RASGRF2: variants seen among roughly 807,000 people sequenced by gnomAD.
The protein encoded by RASGRF2 is ras-specific guanine nucleotide-releasing factor 2.
Under a neutral mutation model 151.0 loss-of-function variants are expected in RASGRF2, and 76 were observed. The ratio of observed to expected loss-of-function variants is 0.50; its 90% CI spans 0.42 to 0.61. The LOEUF (loss-of-function observed/expected upper bound fraction) is 0.61. Among genes scored for constraint, RASGRF2 ranks in the 20% least tolerant of loss-of-function variants. The pLI is 0.00. For missense variants in RASGRF2, 1,148 were observed against 1,564.6 expected, an observed-to-expected ratio of 0.73 and a Z score of 4.49; for synonymous variants, 504 against 566.5, an observed-to-expected ratio of 0.89 and a Z score of 1.57.
intron 17 of RASGRF2, among the ~76,000 whole-genome samples, chr5:81,127,420 C>T (rs1007554749): frequency 1.3e-5 from 2 of 151,660 alleles, no homozygotes; most frequent in African/African-American, 4.8e-5. Context: ...TTACTCAAGA[C>T]GCTGAGGCAG....
At chr5:80,998,466 G>C (rs569589475) in intron 1 of RASGRF2, among the ~76,000 whole-genome samples, 1 of 152,190 alleles carries the variant, frequency 6.6e-6, no homozygotes, top group Non-Finnish European at 1.5e-5. Context: ...CAGCATATAG[G>C]GGTATACTCT....
chr5:81,026,665 A>C (rs1199905114), intron 1 of RASGRF2, among the ~76,000 whole-genome samples: 1 of 152,208 alleles, frequency 6.6e-6, no homozygotes, highest in Non-Finnish European at 1.5e-5. Flanking sequence ...TAATGTAGCT[A>C]ATCTAAGCAG....
intron 1 of RASGRF2, among the ~76,000 whole-genome samples, chr5:80,979,043 C>G (rs1301055839): frequency 6.6e-5 from 10 of 152,092 alleles, no homozygotes; most frequent in Admixed American, 6.6e-4. Flanking sequence ...TAGTGAACAT[C>G]AGGATGGCAT....
chr5:80,998,747 C>T (rs1748979683), intron 1 of RASGRF2, among the ~76,000 whole-genome samples: 1 of 152,208 alleles, frequency 6.6e-6, no homozygotes, highest in African/African-American at 2.4e-5. Context: ...GTATAAGTTG[C>T]ATCAGCAGAC....
chr5:80,966,082 T>TG (rs1747712245), intron 1 of RASGRF2, among the ~76,000 whole-genome samples: 1 of 112,770 alleles, frequency 8.9e-6, no homozygotes, highest in African/African-American at 3.7e-5. Flanking sequence ...GGGATATATG[T>TG]TTGTGTGTGT....
intron 1 of RASGRF2, among the ~76,000 whole-genome samples, chr5:81,026,977 C>T (rs1427768520): frequency 1.3e-5 from 2 of 152,130 alleles, no homozygotes; most frequent in Admixed American, 6.5e-5. Context: ...CAAGAATTTG[C>T]ACATAGGTGT....
chr5:81,145,775 G>A (rs1034457949), intron 17 of RASGRF2, among the ~76,000 whole-genome samples: 2 of 152,160 alleles, frequency 1.3e-5, no homozygotes, highest in African/African-American at 4.8e-5. Flanking sequence ...CAGCCGCATG[G>A]CCCTGAGCCC....
chr5:81,180,807 C>A (rs531984931), intron 18 of RASGRF2, among the ~76,000 whole-genome samples: 83 of 152,094 alleles, frequency 5.5e-4, no homozygotes, highest in African/African-American at 1.9e-3. Context: ...TGTTTTGGGT[C>A]CCAATGCTGT....
At chr5:81,096,237 G>A (rs998154302) in intron 12 of RASGRF2, 1 of 152,056 alleles carries the variant, frequency 6.6e-6, no homozygotes, top group Non-Finnish European at 1.5e-5. Context: ...CCATTTTTGT[G>A]GACTTGCATC....
chr5:81,190,502 T>C (rs139663215), intron 18 of RASGRF2, among the ~76,000 whole-genome samples: 1 of 152,232 alleles, frequency 6.6e-6, no homozygotes, highest in Non-Finnish European at 1.5e-5. Flanking sequence ...CTGTGTGAAG[T>C]TATAATGCAC....
At chr5:80,982,267 G>A (rs72769224) in intron 1 of RASGRF2, among the ~76,000 whole-genome samples, 48 of 152,196 alleles carry the variant, frequency 3.2e-4, no homozygotes, top group African/African-American at 8.7e-4. Context: ...CTGAAAGCCC[G>A]TATCTATGGA....
chr5:81,125,409 T>C (rs1239533815), intron 16 of RASGRF2, among the ~76,000 whole-genome samples: 1 of 152,154 alleles, frequency 6.6e-6, no homozygotes, highest in East Asian at 1.9e-4. Flanking sequence ...TCCAAGTCAG[T>C]TATGGGTTAT....
chr5:81,173,985 A>G lies in RASGRF2; in HGVS notation c.2687-6190A>G, dbSNP rs576405575. On this transcript the variant is annotated intron_variant, in intron 17 of 26. Coordinates refer to ENST00000265080, the MANE Select transcript of RASGRF2 (RefSeq NM_006909.3). Reference sequence around the variant, plus strand: ...TTGTGGATAGAAGGAAAGTGTAAGAACAGAGAGAATGAAGAAAGGAAGAAT... The same window carrying G: ...TTGTGGATAGAAGGAAAGTGTAAGAGCAGAGAGAATGAAGAAAGGAAGAAT... Among the ~76,000 whole-genome samples the G allele has an allele frequency of 2.0e-5, 3 of 152,370 alleles. No homozygotes were observed. The East Asian group carries it at 5.8e-4, about 29-fold the overall frequency.
At chr5:81,110,213 A>G (rs1224273022) in intron 13 of RASGRF2, among the ~76,000 whole-genome samples, 2 of 152,198 alleles carry the variant, frequency 1.3e-5, no homozygotes, top group African/African-American at 4.8e-5. Flanking sequence ...CTTTGTAAGC[A>G]CTCACTTCCT....
chr5:81,060,473 C>T (rs932305890), intron 2 of RASGRF2, among the ~76,000 whole-genome samples: 1 of 152,196 alleles, frequency 6.6e-6, no homozygotes, highest in Non-Finnish European at 1.5e-5. Flanking sequence ...CTGTTCTCCT[C>T]TTACCATTTT....
At chr5:80,980,978 T>TGGTAAAATCCAGGCA (rs1748281126) in intron 1 of RASGRF2, among the ~76,000 whole-genome samples, 1 of 152,164 alleles carries the variant, frequency 6.6e-6, no homozygotes, top group Non-Finnish European at 1.5e-5. Flanking sequence ...AATAACATCA[T>TGGTAAAATCCAGGCA]GGTAAAATCC....
chr5:80,999,697 G>A (rs1158471807), intron 1 of RASGRF2, among the ~76,000 whole-genome samples: 2 of 152,148 alleles, frequency 1.3e-5, no homozygotes, highest in Non-Finnish European at 1.5e-5. Flanking sequence ...GTGGGTGGAA[G>A]TGGGTGTGGG....
At chr5:81,106,985 G>A (rs753910969) in intron 12 of RASGRF2, among the ~76,000 whole-genome samples, 1 of 152,056 alleles carries the variant, frequency 6.6e-6, no homozygotes, top group Non-Finnish European at 1.5e-5. Flanking sequence ...CACATTCTTT[G>A]GGGTCCACTA....
chr5:81,007,183 G>A (rs972036583), intron 1 of RASGRF2, among the ~76,000 whole-genome samples: 2 of 152,142 alleles, frequency 1.3e-5, no homozygotes, highest in African/African-American at 4.8e-5. Context: ...GGGAGGGGGT[G>A]TAGCTTTCAG....
Sources: gnomAD v4.1 joint callset for allele counts (sites outside exome capture counted in the v4.1 genomes callset) on GRCh38, gnomAD v4.1.1 for gene constraint, MANE v1.5 for transcripts, NCBI Gene and HGNC (gene_info 2026-07-23, HGNC 2026-07-21) for gene names.